Variants in TENM2 observed in about 807,000 individuals in gnomAD.
TENM2 encodes teneurin-2.
Under a neutral mutation model 245.2 loss-of-function variants are expected in TENM2, and 52 were observed. The ratio of observed to expected loss-of-function variants is 0.21; its 90% CI spans 0.17 to 0.27. The LOEUF (loss-of-function observed/expected upper bound fraction) is 0.27, where lower values mean the gene tolerates loss of function less well. Ranked by LOEUF, TENM2 falls within the 10% of genes least tolerant of loss-of-function variation. The probability of loss-of-function intolerance (pLI) is 1.00; values close to 1 mark genes in which losing one functional copy is unlikely to be tolerated. For missense variants in TENM2, 3,046 were observed against 3,666.8 expected, an observed-to-expected ratio of 0.83 and a Z score of 4.37; for synonymous variants, 1,363 against 1,438.9, an observed-to-expected ratio of 0.95 and a Z score of 1.19.
At chr5:167,417,555 G>A (rs1275346901) in intron 2 of TENM2, among the ~76,000 whole-genome samples, 1 of 152,100 alleles carries the variant, frequency 6.6e-6, no homozygotes, top group Non-Finnish European at 1.5e-5. Flanking sequence ...ACACATAGAT[G>A]GCTAACTATA....
At chr5:167,969,463 A>G (rs1014299965) in intron 4 of TENM2, among the ~76,000 whole-genome samples, 1 of 152,150 alleles carries the variant, frequency 6.6e-6, no homozygotes, top group Non-Finnish European at 1.5e-5. Flanking sequence ...CTTTCTCTTT[A>G]TAAATTACCC....
At chr5:167,275,694 A>G in the TENM2 span, among the ~76,000 whole-genome samples, 2 of 152,028 alleles carry the variant, frequency 1.3e-5, no homozygotes, top group East Asian at 1.9e-4. Context: ...TGATTTTTAC[A>G]TTTTTATCTT....
the TENM2 span, among the ~76,000 whole-genome samples, chr5:167,023,652 A>C: frequency 6.6e-6 from 1 of 152,232 alleles, no homozygotes; most frequent in African/African-American, 2.4e-5. Context: ...AATGAATTAA[A>C]ATAATCTCTT....
chr5:167,746,764 C>T (rs1457690135), intron 2 of TENM2, among the ~76,000 whole-genome samples: 5 of 147,692 alleles, frequency 3.4e-5, no homozygotes, highest in African/African-American at 1.2e-4. Context: ...TCAGTGGAAA[C>T]ATTTTGGAAA....
intron 2 of TENM2, among the ~76,000 whole-genome samples, chr5:167,581,003 AC>A (rs749940266): frequency 2.0e-5 from 3 of 152,204 alleles, no homozygotes; most frequent in Non-Finnish European, 4.4e-5. Context: ...AATCAAAAAA[AC>A]GGGAACCAAA....
intron 2 of TENM2, among the ~76,000 whole-genome samples, chr5:167,823,566 G>A (rs888735714): frequency 6.6e-6 from 1 of 152,146 alleles, no homozygotes; most frequent in African/African-American, 2.4e-5. Flanking sequence ...GTGATGACAG[G>A]AGTGCGAATG....
chr5:167,274,054 C>G, the TENM2 span, among the ~76,000 whole-genome samples: 3 of 152,078 alleles, frequency 2.0e-5, no homozygotes, highest in African/African-American at 7.2e-5. Context: ...AGTACAATGT[C>G]ACAATGAAGA....
chr5:167,227,472 T>A, the TENM2 span, among the ~76,000 whole-genome samples: 17 of 152,298 alleles, frequency 1.1e-4, no homozygotes, highest in African/African-American at 4.1e-4. Context: ...TCCCTCGGTC[T>A]TTACTTGTTT....
intron 2 of TENM2, among the ~76,000 whole-genome samples, chr5:167,666,155 C>T (rs1755561023): frequency 6.6e-6 from 1 of 152,172 alleles, no homozygotes; most frequent in Non-Finnish European, 1.5e-5. Flanking sequence ...GTGACTTGTA[C>T]CAACTGGAGC....
chr5:167,138,740 A>G, the TENM2 span, among the ~76,000 whole-genome samples: 1 of 152,144 alleles, frequency 6.6e-6, no homozygotes, highest in Non-Finnish European at 1.5e-5. Context: ...CTCTTGCCTC[A>G]GCCTCCCAAG....
Position 168,005,369 on chromosome 5 carries a change from C to T in TENM2, c.1186+12187C>T, listed in dbSNP as rs187138149. Among the ~76,000 whole-genome samples the T allele has an allele frequency of 5.3e-5, 8 of 152,310 alleles. No individual in the cohort carries two copies. In the East Asian group the frequency reaches 5.8e-4, roughly 11 times the overall value. ...CATGAAAAAAAATACAGAGATCACA[C>T]GAAAGCCAAGTCTGAACTCTTTAAT... On this transcript the variant is annotated intron_variant, in intron 5 of 28. Transcript: ENST00000518659.
intron 12 of TENM2, among the ~76,000 whole-genome samples, chr5:168,160,479 A>T (rs1282230702): frequency 6.6e-6 from 1 of 152,218 alleles, no homozygotes; most frequent in Non-Finnish European, 1.5e-5. Context: ...AGGCTGTGCA[A>T]CAAAAGAAAA....
At chr5:167,241,414 C>A in the TENM2 span, among the ~76,000 whole-genome samples, 1 of 152,038 alleles carries the variant, frequency 6.6e-6, no homozygotes, top group South Asian at 2.1e-4. Flanking sequence ...AATGAAGTTC[C>A]TATTAAATTG....
the TENM2 span, among the ~76,000 whole-genome samples, chr5:167,046,881 G>C: frequency 6.6e-6 from 1 of 151,636 alleles, no homozygotes; most frequent in South Asian, 2.1e-4. Flanking sequence ...ACAGGCCCTG[G>C]TGTGTGATGT....
intron 3 of TENM2, among the ~76,000 whole-genome samples, chr5:167,921,041 A>T (rs1469077664): frequency 6.6e-6 from 1 of 152,212 alleles, no homozygotes; most frequent in Non-Finnish European, 1.5e-5. Flanking sequence ...ATTACTGCAA[A>T]TCTCAAGCAC....
chr5:167,573,353 C>T (rs937016657), intron 2 of TENM2, among the ~76,000 whole-genome samples: 1 of 152,092 alleles, frequency 6.6e-6, no homozygotes, highest in Admixed American at 6.5e-5. Context: ...AGTTTTCAAA[C>T]CTGGGAGATA....
At chr5:168,232,828 A>G (rs1765059736) in intron 25 of TENM2, among the ~76,000 whole-genome samples, 1 of 152,340 alleles carries the variant, frequency 6.6e-6, no homozygotes, top group Admixed American at 6.5e-5. Context: ...ATGTAAGATG[A>G]TGGCGGATGG....
At chr5:167,536,469 A>G (rs1291251655) in intron 2 of TENM2, among the ~76,000 whole-genome samples, 1 of 149,066 alleles carries the variant, frequency 6.7e-6, no homozygotes, top group Non-Finnish European at 1.5e-5. Context: ...AAAAAAAAAA[A>G]TAACCCTTTA....
At chr5:167,142,907 G>A in the TENM2 span, among the ~76,000 whole-genome samples, 2 of 152,166 alleles carry the variant, frequency 1.3e-5, no homozygotes, top group Non-Finnish European at 1.5e-5. Flanking sequence ...TCCTATAGAA[G>A]AGTGAGGAAT....
Sources: allele counts gnomAD v4.1 joint callset (sites outside exome capture counted in the v4.1 genomes callset), GRCh38; gene constraint gnomAD v4.1.1; transcripts MANE v1.5; gene names NCBI Gene and HGNC (gene_info 2026-07-23, HGNC 2026-07-21).